PLCE1: variants seen among roughly 807,000 people sequenced by gnomAD.
The protein encoded by PLCE1 is phospholipase C epsilon 1.
A neutral mutation model predicts 242.8 loss-of-function variants in PLCE1; 119 were observed. The ratio of observed to expected loss-of-function variants is 0.49; its 90% CI spans 0.42 to 0.57. The LOEUF (loss-of-function observed/expected upper bound fraction) is 0.57. Among genes scored for constraint, PLCE1 ranks in the 20% least tolerant of loss-of-function variants. The probability of loss-of-function intolerance (pLI) is 0.00; values close to 1 mark genes in which losing one functional copy is unlikely to be tolerated. For synonymous variants in PLCE1, 945 were observed against 1,017.4 expected, an observed-to-expected ratio of 0.93 and a Z score of 1.35; for missense variants, 2,441 against 2,788.8, an observed-to-expected ratio of 0.88 and a Z score of 2.81.
intron 7 of PLCE1, among the ~76,000 whole-genome samples, chr10:94,242,091 G>A (rs768697541): frequency 2.0e-5 from 3 of 152,142 alleles, no homozygotes; most frequent in Admixed American, 6.5e-5. Flanking sequence ...AACCCAGGAT[G>A]ACTGCAGCAG....
rs1378225447 is a variant in PLCE1, at chr10:94,029,648, T to G, written c.-364-1035T>G. Among the ~76,000 whole-genome samples, 4 of 152,248 alleles carry G rather than the reference T, an allele frequency of 2.6e-5. No homozygotes were observed. In the South Asian group the frequency reaches 6.2e-4, roughly 24 times the overall value. ...AGTAGTTGTAGAGACATGAATATAC[T>G]GGGAGCCTCTCACCCTTGAGGCTGT... On this transcript the variant is annotated intron_variant, in intron 1 of 32. Transcript: ENST00000371380.
rs1187081547 is a variant in PLCE1 at position 94,306,723 on chromosome 10, G to A, written c.5884+35G>A. On this transcript the variant is annotated intron_variant, in intron 26 of 32. Coordinates refer to ENST00000371380, the MANE Select transcript of PLCE1 (RefSeq NM_016341.4). The surrounding 1 kb of genome is among the most constrained non-coding windows in gnomAD (Gnocchi z 5.7). ...AATTGTCCAAATGTTAATAATTGTTGTAGCTAGGTGATGGATGCCAGAATT... is the reference window on the plus strand; with the variant it reads ...AATTGTCCAAATGTTAATAATTGTTATAGCTAGGTGATGGATGCCAGAATT... 2.0e-6 allele frequency: 3 copies of A among 1,514,204 alleles called. No individual in the cohort carries two copies. Among genetic ancestry groups the A allele is most frequent in the African/African-American group, 2.7e-5 (2 of 72,998 alleles). 93.8% of individuals were successfully genotyped at this position (1,514,204 alleles called of 1,614,324 possible).
At chr10:94,040,536 C>A (rs1182625874) in intron 2 of PLCE1, among the ~76,000 whole-genome samples, 2 of 152,184 alleles carry the variant, frequency 1.3e-5, no homozygotes, top group Non-Finnish European at 1.5e-5. Flanking sequence ...GCAGGGCCAT[C>A]ACTAGGGTGA....
intron 3 of PLCE1, among the ~76,000 whole-genome samples, chr10:94,161,277 C>A (rs2047604583): frequency 6.6e-6 from 1 of 152,180 alleles, no homozygotes; most frequent in Admixed American, 6.5e-5. Context: ...GATATTGATT[C>A]TTCCTATCCA....
intron 24 of PLCE1, among the ~76,000 whole-genome samples, chr10:94,299,588 G>A (rs1449672860): frequency 2.6e-5 from 4 of 152,222 alleles, no homozygotes; most frequent in Non-Finnish European, 1.5e-5. Context: ...ACAGTCAAGC[G>A]GCAGGCAGCT....
chr10:94,296,896 CAG>C (rs2133505978), intron 23 of PLCE1, among the ~76,000 whole-genome samples: 1 of 150,998 alleles, frequency 6.6e-6, no homozygotes, highest in East Asian at 1.9e-4. Context: ...TTTTTTGAGG[CAG>C]AGTCTCACCC....
At chr10:94,215,469 T>C (rs1311329333) in intron 4 of PLCE1, among the ~76,000 whole-genome samples, 3 of 151,908 alleles carry the variant, frequency 2.0e-5, no homozygotes, top group Non-Finnish European at 2.9e-5. Flanking sequence ...AGCAGGAAGG[T>C]TATATTAGCA....
intron 5 of PLCE1, 107 bp from the exon 6 acceptor site, chr10:94,233,940 TCCACCTA>T: frequency 1.1e-6 from 1 of 946,604 alleles, no homozygotes; most frequent in East Asian, 2.6e-5. Flanking sequence ...AGAGTGAGAC[TCCACCTA>T]AAAAAAAAAA....
At chr10:94,125,194 T>C (rs910040100) in intron 2 of PLCE1, among the ~76,000 whole-genome samples, 4 of 152,186 alleles carry the variant, frequency 2.6e-5, no homozygotes, top group African/African-American at 9.7e-5. Flanking sequence ...CTCATGAAGC[T>C]GACATTCTAA....
intron 4 of PLCE1, among the ~76,000 whole-genome samples, chr10:94,196,239 G>A (rs2689689): frequency 0.27 from 41,375 of 152,010 alleles, 7,060 homozygotes; most frequent in Non-Finnish European, 0.39. Context: ...CTGGGCTCAG[G>A]GGCTTGCCTT....
rs367778209 is a variant in PLCE1 at position 94,255,046 on chromosome 10, C to G, written c.3551C>G (p.Ser1184Cys). The change falls in exon 11 of 33, where the codon TCC becomes TGC. Residue 1184 changes from serine (S) to cysteine (C), a missense_variant. Physicochemically the swap from Ser to Cys is moderately radical, Grantham distance 112 (BLOSUM62 -1). This residue lies in a region of PLCE1 where 1,004 missense variants were observed against 1,322.7 expected (regional missense o/e 0.76). Coordinates refer to ENST00000371380, the MANE Select transcript of PLCE1 (RefSeq NM_016341.4). ...PVLSSSNKSP[S>C]SAWSSSSWHG... The stretch of plus-strand genomic sequence containing the variant: ...CTGTCTTCTTCAAACAAGAGCCCAT[C>G]CAGGTGGGGCCTTAACATGATAAAA... The G allele has an allele frequency of 1.4e-5, 22 of 1,613,962 alleles. No homozygotes were observed. The highest frequency in any genetic ancestry group is 1.7e-4 in the Middle Eastern group (1 of 6,058).
intron 3 of PLCE1, among the ~76,000 whole-genome samples, chr10:94,144,317 G>C (rs113038180): frequency 2.6e-5 from 4 of 151,790 alleles, no homozygotes; most frequent in Middle Eastern, 3.2e-3. Flanking sequence ...GTGTGTCTCT[G>C]TGTGTGTGTG....
At chr10:94,012,517 G>T (rs1488602809) in intron 1 of PLCE1, among the ~76,000 whole-genome samples, 1 of 152,008 alleles carries the variant, frequency 6.6e-6, no homozygotes, top group Non-Finnish European at 1.5e-5. Context: ...GAAAACATCG[G>T]CCGTGTCACT....
chr10:94,189,782 G>T (rs1025626601), intron 4 of PLCE1, among the ~76,000 whole-genome samples: 1 of 152,190 alleles, frequency 6.6e-6, no homozygotes, highest in Non-Finnish European at 1.5e-5. Context: ...CTTTCCAAGC[G>T]TGGCTTTCGG....
chr10:94,178,200 CA>C (rs1564760641), intron 4 of PLCE1, among the ~76,000 whole-genome samples: 1 of 152,166 alleles, frequency 6.6e-6, no homozygotes, highest in Non-Finnish European at 1.5e-5. Context: ...AAGTGATTTT[CA>C]AGGGGCCATA....
chr10:94,045,122 T>G (rs902501560), intron 2 of PLCE1, among the ~76,000 whole-genome samples: 2 of 152,106 alleles, frequency 1.3e-5, no homozygotes, highest in African/African-American at 4.8e-5. Context: ...TGCTTCAGCC[T>G]CCTGAGAAGC....
chr10:94,132,671 C>T (rs2046637024), intron 3 of PLCE1, among the ~76,000 whole-genome samples: 1 of 151,492 alleles, frequency 6.6e-6, no homozygotes, highest in Admixed American at 6.6e-5. Flanking sequence ...GATTTTGAGG[C>T]CGGGTGCGGT....
chr10:94,035,615 G>A (rs77870464), intron 2 of PLCE1, among the ~76,000 whole-genome samples: 1,689 of 152,160 alleles, frequency 0.011, 34 homozygotes, highest in African/African-American at 0.037. Flanking sequence ...ATTAAGATGC[G>A]GCTGGGGAAT....
At chr10:94,008,280 C>A (rs2134241473) in intron 1 of PLCE1, among the ~76,000 whole-genome samples, 1 of 146,726 alleles carries the variant, frequency 6.8e-6, no homozygotes, top group Non-Finnish European at 1.5e-5. Context: ...AACAATAAAA[C>A]CTGCTTTCTG....
Sources: allele counts gnomAD v4.1 joint callset (sites outside exome capture counted in the v4.1 genomes callset), GRCh38; gene constraint gnomAD v4.1.1; regional missense constraint gnomAD v4.1.1; non-coding constraint Gnocchi (gnomAD v3.1); transcripts MANE v1.5; gene names NCBI Gene and HGNC (gene_info 2026-07-23, HGNC 2026-07-21).